The following NALF1 variants were observed in gnomAD, a reference collection of about 807,000 sequenced individuals.
NALF1 encodes family with sequence similarity 155 member A.
Under a neutral mutation model 48.4 loss-of-function variants are expected in NALF1, and 3 were observed. The observed-to-expected ratio is 0.06, with a 90% CI of 0.03 to 0.16. The LOEUF is 0.16. NALF1 is among the 10% of genes least tolerant of loss of function. The pLI, the probability that NALF1 is intolerant of heterozygous loss-of-function variation, is 1.00. For synonymous variants in NALF1, 262 were observed against 245.7 expected (o/e 1.07, Z -0.62); for missense variants, 526 against 571.5 (o/e 0.92, Z 0.81).
In NALF1 at chr13:107,654,557, T is replaced by C. The variant is rs117735781; in HGVS notation, c.915+211125A>G. 4.9e-4 allele frequency among the ~76,000 whole-genome samples: 74 copies of C among 152,158 alleles called. 2 individuals are homozygous for C. In the East Asian group the frequency reaches 0.013, roughly 27 times the overall value. On this transcript the variant is annotated intron_variant, in intron 1 of 2. Coordinates refer to ENST00000375915, the MANE Select transcript of NALF1 (RefSeq NM_001080396.3). ...GGGCCAGGTGGATTCACAGCTGAGT[T>C]CTATCAGACATTCAAAGAGTTTGTA...
At chr13:107,495,347 A>T (rs1231039732) in intron 1 of NALF1, among the ~76,000 whole-genome samples, 1 of 152,194 alleles carries the variant, frequency 6.6e-6, no homozygotes, top group Non-Finnish European at 1.5e-5. Flanking sequence ...ATGGAGTTTA[A>T]GTCATCATCT....
At chr13:107,429,580 T>C (rs1884340611) in intron 1 of NALF1, among the ~76,000 whole-genome samples, 1 of 152,146 alleles carries the variant, frequency 6.6e-6, no homozygotes, top group Non-Finnish European at 1.5e-5. Context: ...AACTAACTAA[T>C]ATTAAAGGAG....
intron 1 of NALF1, among the ~76,000 whole-genome samples, chr13:107,736,267 T>A (rs78322255): frequency 6.6e-6 from 1 of 152,208 alleles, no homozygotes; most frequent in East Asian, 1.9e-4. Flanking sequence ...AGCTGCACTG[T>A]GTTTGTTAGA....
At chr13:107,581,426 G>A (rs1043197309) in intron 1 of NALF1, among the ~76,000 whole-genome samples, 1 of 152,122 alleles carries the variant, frequency 6.6e-6, no homozygotes, top group Non-Finnish European at 1.5e-5. Flanking sequence ...TGTCTTGAAA[G>A]CATAATATAG....
chr13:107,283,024 C>T (rs1319911822), intron 1 of NALF1, among the ~76,000 whole-genome samples: 4 of 152,144 alleles, frequency 2.6e-5, no homozygotes, highest in Non-Finnish European at 5.9e-5. Context: ...AAACATACTT[C>T]CAATTTTAGA....
intron 1 of NALF1, among the ~76,000 whole-genome samples, chr13:107,591,870 T>C (rs1490917898): frequency 3.3e-5 from 5 of 151,984 alleles, no homozygotes; most frequent in African/African-American, 4.8e-5. Context: ...TTTCTAATAA[T>C]ACTGAAGATG....
intron 1 of NALF1, among the ~76,000 whole-genome samples, chr13:107,618,614 A>G (rs1230088619): frequency 6.6e-6 from 1 of 152,178 alleles, no homozygotes; most frequent in Non-Finnish European, 1.5e-5. Flanking sequence ...CCAGGAGCGA[A>G]GACGATGGGT....
intron 1 of NALF1, among the ~76,000 whole-genome samples, chr13:107,688,485 ATATAAC>A (rs1256689520): frequency 6.6e-6 from 1 of 152,260 alleles, no homozygotes; most frequent in African/African-American, 2.4e-5. Flanking sequence ...ATAGAAAAAT[ATATAAC>A]TATGTTTTGA....
chr13:107,508,721 T>C (rs1875781085), intron 1 of NALF1, among the ~76,000 whole-genome samples: 1 of 152,070 alleles, frequency 6.6e-6, no homozygotes, highest in African/African-American at 2.4e-5. Context: ...CTGTGCACGA[T>C]TACAGGCTTG....
At position 107,863,151 on chromosome 13, in the gene NALF1, T is replaced by C. The variant is rs114320114; in HGVS notation, c.915+2531A>G. Among the ~76,000 whole-genome samples, 905 of 152,142 alleles carry C rather than the reference T, an allele frequency of 5.9e-3. 9 individuals carry two copies. The highest frequency in any genetic ancestry group is 0.021 in the African/African-American group (861 of 41,560). On this transcript the variant is annotated intron_variant, in intron 1 of 2. Transcript: ENST00000375915. ...GCCTTCAGAAAGGAAAAATTTTGCA[T>C]AGAACTTCTATCTTGAACAAGGCTC...
At chr13:107,291,713 C>T (rs1881624464) in intron 1 of NALF1, among the ~76,000 whole-genome samples, 1 of 152,016 alleles carries the variant, frequency 6.6e-6, no homozygotes, top group Non-Finnish European at 1.5e-5. Context: ...TAAGTTAAAG[C>T]TGCCTACAAA....
intron 1 of NALF1, among the ~76,000 whole-genome samples, chr13:107,327,952 A>T (rs759446882): frequency 6.6e-5 from 10 of 151,594 alleles, no homozygotes; most frequent in African/African-American, 2.4e-4. Context: ...ACAGGATATC[A>T]CTGTGTCACC....
At chr13:107,327,306 C>T (rs1479139222) in intron 1 of NALF1, among the ~76,000 whole-genome samples, 1 of 152,012 alleles carries the variant, frequency 6.6e-6, no homozygotes, top group Non-Finnish European at 1.5e-5. Context: ...CTCAGATGGG[C>T]CTTGGCCTGC....
intron 1 of NALF1, among the ~76,000 whole-genome samples, chr13:107,556,330 T>TAC (rs1566391785): frequency 5.4e-4 from 79 of 145,264 alleles, no homozygotes; most frequent in African/African-American, 1.8e-3. Flanking sequence ...TATATATATA[T>TAC]ACACACACAT....
intron 1 of NALF1, among the ~76,000 whole-genome samples, chr13:107,484,270 A>G (rs995150124): frequency 6.6e-6 from 1 of 152,194 alleles, no homozygotes; most frequent in African/African-American, 2.4e-5. Flanking sequence ...TCTGTATTCA[A>G]TATGAAATTG....
chr13:107,605,860 G>A (rs181892544), intron 1 of NALF1, among the ~76,000 whole-genome samples: 3 of 152,114 alleles, frequency 2.0e-5, no homozygotes, highest in Non-Finnish European at 2.9e-5. Context: ...CTGTTCCCAC[G>A]CTGAGAAGCT....
intron 1 of NALF1, among the ~76,000 whole-genome samples, chr13:107,370,605 T>C (rs925743912): frequency 6.9e-6 from 1 of 145,140 alleles, no homozygotes; most frequent in Non-Finnish European, 1.5e-5. Flanking sequence ...TTAAATGACT[T>C]ACATCCTCCC....
At chr13:107,819,750 A>G (rs1879306050) in intron 1 of NALF1, among the ~76,000 whole-genome samples, 1 of 109,408 alleles carries the variant, frequency 9.1e-6, no homozygotes, top group Non-Finnish European at 1.7e-5. Flanking sequence ...CTCTCTCTGG[A>G]AACTCTCTCT....
At chr13:107,621,781 A>C (rs186529589) in intron 1 of NALF1, among the ~76,000 whole-genome samples, 1 of 152,306 alleles carries the variant, frequency 6.6e-6, no homozygotes, top group African/African-American at 2.4e-5. Context: ...GAAGACCTAG[A>C]GGAGGCTGTG....
Sources: gnomAD v4.1 joint callset for allele counts (sites outside exome capture counted in the v4.1 genomes callset) on GRCh38, gnomAD v4.1.1 for gene constraint, MANE v1.5 for transcripts, NCBI Gene and HGNC (gene_info 2026-07-23, HGNC 2026-07-21) for gene names.